Variants in PTPRK observed in about 807,000 individuals in gnomAD.
The protein encoded by PTPRK is receptor-type tyrosine-protein phosphatase kappa.
A neutral mutation model predicts 178.0 loss-of-function variants in PTPRK; 75 were observed. That is an observed-to-expected ratio of 0.42 (90% CI 0.35 to 0.51). The LOEUF (loss-of-function observed/expected upper bound fraction) is 0.51. Ranked by LOEUF, PTPRK falls within the 20% of genes least tolerant of loss-of-function variation. The probability of loss-of-function intolerance (pLI) is 0.02; values close to 1 mark genes in which losing one functional copy is unlikely to be tolerated. For synonymous variants in PTPRK, 637 were observed against 620.6 expected, an observed-to-expected ratio of 1.03 and a Z score of -0.39; for missense variants, 1,441 against 1,797.8, an observed-to-expected ratio of 0.80 and a Z score of 3.59.
At chr6:128,232,303 CA>C (rs1812438328) in intron 5 of PTPRK, among the ~76,000 whole-genome samples, 1 of 152,224 alleles carries the variant, frequency 6.6e-6, no homozygotes. Context: ...CCGCGTTGCT[CA>C]CGCTTATCTC....
intron 3 of PTPRK, among the ~76,000 whole-genome samples, chr6:128,302,166 A>C (rs1825721998): frequency 6.6e-6 from 1 of 152,064 alleles, no homozygotes; most frequent in South Asian, 2.1e-4. Flanking sequence ...GGGTGGGCGG[A>C]TCACGAGGTC....
chr6:128,230,437 G>T (rs1001199275), intron 5 of PTPRK, among the ~76,000 whole-genome samples: 6 of 152,126 alleles, frequency 3.9e-5, no homozygotes, highest in African/African-American at 1.4e-4. Context: ...TAGAGGCAGG[G>T]AGACAGCTCT....
intron 13 of PTPRK, among the ~76,000 whole-genome samples, chr6:128,042,092 C>T (rs906913347): frequency 6.6e-6 from 1 of 151,986 alleles, no homozygotes; most frequent in African/African-American, 2.4e-5. Context: ...TCTTCTGCAC[C>T]TTTGCCACAC....
At chr6:127,974,038 G>A (rs1358756102) in intron 27 of PTPRK, among the ~76,000 whole-genome samples, 1 of 152,036 alleles carries the variant, frequency 6.6e-6, no homozygotes, top group Non-Finnish European at 1.5e-5. Flanking sequence ...TTTCTCCCTC[G>A]CACTATGTAT....
chr6:128,145,645 T>A (rs971912499), intron 7 of PTPRK, among the ~76,000 whole-genome samples: 23 of 152,020 alleles, frequency 1.5e-4, no homozygotes, highest in Non-Finnish European at 2.2e-4. Flanking sequence ...GTGCCAAGTG[T>A]ATTGTTTTGA....
chr6:128,213,611 T>C (rs1808658771), intron 6 of PTPRK, among the ~76,000 whole-genome samples: 1 of 151,974 alleles, frequency 6.6e-6, no homozygotes, highest in African/African-American at 2.4e-5. Flanking sequence ...TTTATATGAA[T>C]TCATGAGCCT....
chr6:128,235,129 A>G (rs1812994739), intron 5 of PTPRK, among the ~76,000 whole-genome samples: 1 of 152,198 alleles, frequency 6.6e-6, no homozygotes, highest in Non-Finnish European at 1.5e-5. Flanking sequence ...TACCCCATAA[A>G]TATGTACAAG....
chr6:128,324,350 A>C (rs899447889), intron 2 of PTPRK, among the ~76,000 whole-genome samples: 12 of 152,152 alleles, frequency 7.9e-5, no homozygotes, highest in African/African-American at 2.4e-4. Flanking sequence ...TGGAGTAAAA[A>C]TATGCTTTGT....
chr6:128,167,077 C>T (rs1351879398), intron 7 of PTPRK, among the ~76,000 whole-genome samples: 1 of 151,704 alleles, frequency 6.6e-6, no homozygotes, highest in East Asian at 1.9e-4. Context: ...CCCTCAAAAT[C>T]AGTCCAATAT....
intron 3 of PTPRK, among the ~76,000 whole-genome samples, chr6:128,300,263 C>T (rs1022666248): frequency 6.6e-6 from 1 of 152,118 alleles, no homozygotes; most frequent in African/African-American, 2.4e-5. Flanking sequence ...AACACTTTTA[C>T]ACTCTTGGTG....
chr6:127,970,258 T>C lies in PTPRK; in HGVS notation c.4292A>G (p.Asp1431Gly), dbSNP rs1482603051. ...TGATTCCAGGTACTCCAAAGCTACA[T>C]CATAGCAGAAACGGTATTGCTCCTG... ...EAPEQYRFCY[D>G]VALEYLESS is the part of the protein sequence containing the mutation. The change falls in exon 30 of 30, where the codon GAT (aspartate) becomes GGT (glycine). Residue 1431 changes from aspartate (D) to glycine (G), a missense_variant. Asp to Gly is a moderately conservative substitution (Grantham distance 94). Around this residue, in one of 4 missense-constraint regions of PTPRK, gnomAD observed 335 missense variants for 512.4 expected, o/e 0.65. Coordinates refer to ENST00000368226, the MANE Select transcript of PTPRK (RefSeq NM_002844.4). 2 of 1,610,856 alleles carry C rather than the reference T, an allele frequency of 1.2e-6. No individual in the cohort carries two copies. The highest frequency in any genetic ancestry group is 3.4e-5 in the Admixed American group (2 of 59,668).
chr6:127,990,983 C>T, intron 20 of PTPRK, 98 bp from the exon 21 acceptor site: 1 of 755,660 alleles, frequency 1.3e-6, no homozygotes, highest in Non-Finnish European at 2.2e-6. Flanking sequence ...ACAATTAAAA[C>T]TCAGTTTAAA....
At chr6:128,312,514 A>G (rs766278302) in intron 3 of PTPRK, among the ~76,000 whole-genome samples, 2 of 152,160 alleles carry the variant, frequency 1.3e-5, no homozygotes, top group Non-Finnish European at 1.5e-5. Flanking sequence ...CTGCACCCTA[A>G]CAACTCTTTG....
chr6:128,476,490 G>A (rs995782654), intron 1 of PTPRK, among the ~76,000 whole-genome samples: 1 of 151,876 alleles, frequency 6.6e-6, no homozygotes, highest in Admixed American at 6.6e-5. Context: ...TGTTGTCTGA[G>A]GTCAACCAAT....
At chr6:128,345,276 C>T (rs1832281706) in intron 2 of PTPRK, among the ~76,000 whole-genome samples, 1 of 151,884 alleles carries the variant, frequency 6.6e-6, no homozygotes, top group Non-Finnish European at 1.5e-5. Flanking sequence ...TGGTTTGACA[C>T]CAAAGAGAAT....
chr6:128,026,388 C>T (rs924738665), intron 13 of PTPRK, among the ~76,000 whole-genome samples: 7 of 152,104 alleles, frequency 4.6e-5, no homozygotes, highest in African/African-American at 1.7e-4. Context: ...AGCTACTTCC[C>T]AATAGCCAAA....
At chr6:128,360,543 AT>A (rs1236402560) in intron 2 of PTPRK, among the ~76,000 whole-genome samples, 1 of 152,182 alleles carries the variant, frequency 6.6e-6, no homozygotes, top group Non-Finnish European at 1.5e-5. Context: ...TATAAAGAGT[AT>A]TAACCTAATA....
chr6:128,131,215 T>C (rs2114459572), intron 7 of PTPRK, among the ~76,000 whole-genome samples: 1 of 152,298 alleles, frequency 6.6e-6, no homozygotes, highest in Admixed American at 6.5e-5. Flanking sequence ...CATGGCTTTC[T>C]TTCAAAGTCA....
chr6:128,482,372 G>C (rs543385741), intron 1 of PTPRK, among the ~76,000 whole-genome samples: 15 of 152,242 alleles, frequency 9.9e-5, no homozygotes, highest in African/African-American at 3.6e-4. Context: ...ACGCTACTCT[G>C]AAATGGGAGC....
Sources: gnomAD v4.1 joint callset for allele counts (sites outside exome capture counted in the v4.1 genomes callset) on GRCh38, gnomAD v4.1.1 for gene constraint, gnomAD v4.1.1 regional missense constraint, MANE v1.5 for transcripts, NCBI Gene and HGNC (gene_info 2026-07-23, HGNC 2026-07-21) for gene names.